The following ARFGEF3 variants were observed in gnomAD, a reference collection of about 807,000 sequenced individuals.
ARFGEF3 encodes brefeldin A-inhibited guanine nucleotide-exchange protein 3.
Under a neutral mutation model 221.7 loss-of-function variants are expected in ARFGEF3, and 96 were observed. The ratio of observed to expected loss-of-function variants is 0.43; its 90% CI spans 0.37 to 0.51. The LOEUF (loss-of-function observed/expected upper bound fraction) is 0.51. Among genes scored for constraint, ARFGEF3 ranks in the 20% least tolerant of loss-of-function variants. The pLI, the probability that ARFGEF3 is intolerant of heterozygous loss-of-function variation, is 0.00. For missense variants in ARFGEF3, 2,410 were observed against 2,789.9 expected, an observed-to-expected ratio of 0.86 and a Z score of 3.07; for synonymous variants, 1,145 against 1,126.8, an observed-to-expected ratio of 1.02 and a Z score of -0.32.
At chr6:138,213,751 G>A (rs1368813176) in intron 4 of ARFGEF3, among the ~76,000 whole-genome samples, 1 of 152,024 alleles carries the variant, frequency 6.6e-6, no homozygotes, top group Non-Finnish European at 1.5e-5. Context: ...TAAATATTAG[G>A]ATTGGGGAAA....
intron 9 of ARFGEF3, among the ~76,000 whole-genome samples, chr6:138,254,246 G>T (rs1339442243): frequency 6.6e-6 from 1 of 151,770 alleles, no homozygotes; most frequent in Non-Finnish European, 1.5e-5. Flanking sequence ...ATGAAACCTC[G>T]TCTCTCCTAA....
intron 4 of ARFGEF3, among the ~76,000 whole-genome samples, chr6:138,223,893 C>A (rs1778029850): frequency 6.6e-6 from 1 of 152,194 alleles, no homozygotes; most frequent in East Asian, 1.9e-4. Context: ...TATTTTATGA[C>A]CATCTTCATA....
Position 138,292,016 on chromosome 6 carries a change from G to T in ARFGEF3, c.3331G>T (p.Ala1111Ser). 6.6e-7 allele frequency: 1 copy of T among 1,517,538 alleles called. No individual in the cohort carries two copies. The highest frequency in any genetic ancestry group is 8.8e-7 in the Non-Finnish European group (1 of 1,137,760). 94.0% of individuals were successfully genotyped at this position (1,517,538 alleles called of 1,614,324 possible). Residue 1111 changes from alanine to serine, a missense_variant, in exon 19 of 34, where the codon GCC becomes TCC. Around this residue, in one of 5 missense-constraint regions of ARFGEF3, gnomAD observed 184 missense variants for 141.8 expected, o/e 1.30. Coordinates refer to ENST00000251691, the MANE Select transcript of ARFGEF3 (RefSeq NM_020340.5). ...GAGCCTCATGAGCGGGAGCAGCGCG[G>T]CCAAGGTGGTGCTCACCCTCTCCAC... ...GGSLMSGSSA[A>S]KVVLTLSTQA...
chr6:138,313,887 C>T lies in ARFGEF3; in HGVS notation c.4293C>T (p.Ala1431=), dbSNP rs1779873342. Reference sequence around the variant, plus strand: ...CTCGAAGACTTCAGGAACAGTCAGCCAGCAGTGAGGATGGAATTGAATCAG... The same window carrying T: ...CTCGAAGACTTCAGGAACAGTCAGCTAGCAGTGAGGATGGAATTGAATCAG... ...GLPRRLQEQS[A]SSEDGIESVL... is the part of the protein sequence containing the mutation. Residue 1431 remains alanine, a synonymous_variant, in exon 26 of 34, where the codon GCC becomes GCT. Transcript: ENST00000251691. 1 of 1,613,734 alleles carries T rather than the reference C, an allele frequency of 6.2e-7. No individual in the cohort carries two copies. Among genetic ancestry groups the T allele is most frequent in the African/African-American group, 1.3e-5 (1 of 74,888 alleles).
At chr6:138,274,588 C>A (rs1334367623) in intron 12 of ARFGEF3, among the ~76,000 whole-genome samples, 2 of 151,776 alleles carry the variant, frequency 1.3e-5, no homozygotes, top group Non-Finnish European at 2.9e-5. Flanking sequence ...CCCCTGAGGT[C>A]AGGAGTTCGA....
At chr6:138,237,726 C>G (rs1051696557) in intron 5 of ARFGEF3, among the ~76,000 whole-genome samples, 1 of 151,954 alleles carries the variant, frequency 6.6e-6, no homozygotes, top group African/African-American at 2.4e-5. Context: ...CTCTGGCTCT[C>G]AAATGACAGC....
intron 2 of ARFGEF3, among the ~76,000 whole-genome samples, chr6:138,193,388 T>C (rs898923648): frequency 1.4e-4 from 22 of 152,206 alleles, no homozygotes; most frequent in African/African-American, 4.6e-4. Context: ...CAAGTGTCAT[T>C]ACCTTGTACC....
At chr6:138,248,623 G>A (rs142638081) in intron 8 of ARFGEF3, among the ~76,000 whole-genome samples, 149 of 152,086 alleles carry the variant, frequency 9.8e-4, no homozygotes, top group South Asian at 2.9e-3. Context: ...TCAGGAGTTC[G>A]AGACCAGCCT....
At chr6:138,297,289 A>G (rs1433918475) in intron 21 of ARFGEF3, among the ~76,000 whole-genome samples, 1 of 152,240 alleles carries the variant, frequency 6.6e-6, no homozygotes, top group Non-Finnish European at 1.5e-5. Context: ...ATTTTTATAC[A>G]TAAATATAAC....
At chr6:138,320,045 T>G (rs1779995040) in intron 28 of ARFGEF3, among the ~76,000 whole-genome samples, 166 bp downstream of exon 28, 1 of 152,220 alleles carries the variant, frequency 6.6e-6, no homozygotes, top group South Asian at 2.1e-4. Flanking sequence ...TAATAGATTT[T>G]CAAAGAGAAA....
At chr6:138,302,496 G>A (rs1215074460) in intron 22 of ARFGEF3, among the ~76,000 whole-genome samples, 4 of 152,104 alleles carry the variant, frequency 2.6e-5, no homozygotes, top group African/African-American at 9.7e-5. Flanking sequence ...GGAGTCCCAG[G>A]TAGAAAAGAG....
chr6:138,333,932 A>G, intron 32 of ARFGEF3, 38 bp from the exon 33 acceptor site: 2 of 1,566,580 alleles, frequency 1.3e-6, no homozygotes, highest in Non-Finnish European at 1.7e-6. Flanking sequence ...GATATAGGGC[A>G]GAAAACCATT....
chr6:138,210,682 C>T (rs1476672336), intron 4 of ARFGEF3, among the ~76,000 whole-genome samples: 3 of 151,954 alleles, frequency 2.0e-5, no homozygotes, highest in Non-Finnish European at 2.9e-5. Context: ...AACTCTGCCC[C>T]GTAACAGCAC....
At chr6:138,309,338 T>C (rs1779783211) in intron 24 of ARFGEF3, among the ~76,000 whole-genome samples, 1 of 152,154 alleles carries the variant, frequency 6.6e-6, no homozygotes, top group East Asian at 1.9e-4. Context: ...GAGAATATAT[T>C]TTGTTAAGGT....
intron 12 of ARFGEF3, among the ~76,000 whole-genome samples, chr6:138,269,158 C>T (rs1218780966): frequency 6.6e-6 from 1 of 152,240 alleles, no homozygotes; most frequent in Non-Finnish European, 1.5e-5. Flanking sequence ...CCCGCCAACC[C>T]TGCAGGTACT....
intron 14 of ARFGEF3, among the ~76,000 whole-genome samples, chr6:138,282,251 A>C (rs923534623): frequency 6.7e-6 from 1 of 150,202 alleles, no homozygotes; most frequent in African/African-American, 2.5e-5. Context: ...CGCCGCACCC[A>C]CCCTCCCCAG....
rs527783605 is a variant in ARFGEF3 at position 138,307,241 on chromosome 6, T to G, written c.3829-12T>G. 5.8e-5 allele frequency: 94 copies of G among 1,612,038 alleles called. 1 individual carries two copies. In the South Asian group the frequency reaches 9.1e-4, roughly 16 times the overall value. On this transcript the variant is annotated splice_polypyrimidine_tract_variant and intron_variant, in intron 22 of 33. Transcript: ENST00000251691. ...AGAGGGCTTTAAGTGCCACTTGCTT[T>G]GCCTCTACCAGGTTGTCACATCCAT...
intron 12 of ARFGEF3, among the ~76,000 whole-genome samples, chr6:138,270,057 A>G (rs911094716): frequency 6.6e-6 from 1 of 152,066 alleles, no homozygotes; most frequent in African/African-American, 2.4e-5. Context: ...GAAGGGGGCA[A>G]GGCTAGCAAA....
Position 138,207,037 on chromosome 6 carries a change from G to C in ARFGEF3, c.138-5G>C, listed in dbSNP as rs1381213401. On this transcript the variant is annotated splice_region_variant and splice_polypyrimidine_tract_variant and intron_variant, in intron 2 of 33. Transcript: ENST00000251691. ...ACATGTTGTCCTTATTTTTGTGTTT[G>C]CCAGGGAGAAATGCCTGCTGCCTCT... 1.9e-6 allele frequency: 3 copies of C among 1,604,740 alleles called. No homozygotes were observed.
Sources: gnomAD v4.1 joint callset for allele counts (sites outside exome capture counted in the v4.1 genomes callset) on GRCh38, gnomAD v4.1.1 for gene constraint, gnomAD v4.1.1 regional missense constraint, MANE v1.5 for transcripts, NCBI Gene and HGNC (gene_info 2026-07-23, HGNC 2026-07-21) for gene names.